The following LRRC18 variants were observed in gnomAD, a reference collection of about 807,000 sequenced individuals.
The protein encoded by LRRC18 is leucine rich repeat containing 18.
In LRRC18, 12 loss-of-function variants were observed where a neutral mutation model predicts 11.2. That is an observed-to-expected ratio of 1.07 (90% confidence interval 0.69 to 1.74). The LOEUF (loss-of-function observed/expected upper bound fraction) is 1.74, where lower values mean the gene tolerates loss of function less well. Among genes scored for constraint, LRRC18 ranks in the 40% most tolerant of loss-of-function variants. LRRC18 has a pLI of 0.00. For missense variants in LRRC18, 374 were observed against 330.5 expected (o/e 1.13, Z -1.02); for synonymous variants, 155 against 130.6 (o/e 1.19, Z -1.27).
upstream of LRRC18, among the ~76,000 whole-genome samples, chr10:48,918,771 T>G (rs904305728): frequency 1.3e-5 from 2 of 152,180 alleles, no homozygotes; most frequent in African/African-American, 4.8e-5. Context: ...GTGACAGGGC[T>G]TGGGGGAAGA....
chr10:48,917,301 G>T (rs1211595825), upstream of LRRC18, among the ~76,000 whole-genome samples: 2 of 152,176 alleles, frequency 1.3e-5, no homozygotes, highest in African/African-American at 4.8e-5. Context: ...ATCTCAGAAA[G>T]TGTGGAAAAA....
chr10:48,909,495 A>G (rs61848083), exon 2 of LRRC18: 20,096 of 152,144 alleles, frequency 0.13, 1,480 homozygotes, highest in Middle Eastern at 0.22. Flanking sequence ...TATAAAGAAA[A>G]GAAGTTTATT....
At chr10:48,928,648 G>T in the LRRC18 span, among the ~76,000 whole-genome samples, 1 of 152,178 alleles carries the variant, frequency 6.6e-6, no homozygotes, top group Non-Finnish European at 1.5e-5. Flanking sequence ...CTCCTCACAT[G>T]GAATTCTTTC....
upstream of LRRC18, among the ~76,000 whole-genome samples, chr10:48,916,927 T>C (rs1444952465): frequency 6.6e-6 from 1 of 151,878 alleles, no homozygotes; most frequent in Non-Finnish European, 1.5e-5. Context: ...ATGTGCTGCA[T>C]AATGATGTTT....
chr10:48,919,881 A>G, the LRRC18 span, among the ~76,000 whole-genome samples: 1 of 152,176 alleles, frequency 6.6e-6, no homozygotes, highest in East Asian at 1.9e-4. Context: ...AAAAAATAGA[A>G]TAGAGAGTGA....
chr10:48,921,688 T>C, the LRRC18 span, among the ~76,000 whole-genome samples: 1 of 152,146 alleles, frequency 6.6e-6, no homozygotes, highest in South Asian at 2.1e-4. Flanking sequence ...AGATATCTGG[T>C]ATCCAAAATC....
At chr10:48,913,826 G>A in exon 1 of LRRC18, 1 of 1,614,126 alleles carries the variant, frequency 6.2e-7, no homozygotes, top group Non-Finnish European at 8.5e-7. Flanking sequence ...GCAGCCCGTT[G>A]CTGGTCAGCC....
the LRRC18 span, among the ~76,000 whole-genome samples, chr10:48,934,388 G>A: frequency 1.3e-5 from 2 of 152,276 alleles, no homozygotes; most frequent in Admixed American, 6.5e-5. Flanking sequence ...CTGACATGTC[G>A]ATTTTCATCT....
the LRRC18 span, among the ~76,000 whole-genome samples, chr10:48,928,551 C>T: frequency 6.6e-6 from 1 of 152,292 alleles, no homozygotes; most frequent in African/African-American, 2.4e-5. Context: ...TCCCTGAGTG[C>T]AGGCTTTCAG....
At chr10:48,912,797 C>G (rs1338122321) in intron 1 of LRRC18, among the ~76,000 whole-genome samples, 1 of 152,214 alleles carries the variant, frequency 6.6e-6, no homozygotes, top group African/African-American at 2.4e-5. Context: ...GCTCATAGAG[C>G]AAGTTATGCA....
chr10:48,914,275 G>T, upstream of LRRC18: 1 of 1,063,376 alleles, frequency 9.4e-7, no homozygotes. Flanking sequence ...GATGCCAGAG[G>T]GCACTGGGCT....
At chr10:48,920,489 A>G in the LRRC18 span, among the ~76,000 whole-genome samples, 1 of 152,218 alleles carries the variant, frequency 6.6e-6, no homozygotes. Flanking sequence ...CACGTTGTGC[A>G]CATATACCCT....
chr10:48,935,114 C>T, the LRRC18 span: 3 of 152,258 alleles, frequency 2.0e-5, no homozygotes, highest in Non-Finnish European at 4.4e-5. Context: ...GAGATCCAAG[C>T]AGTTGTTTGG....
At chr10:48,914,118 ATCT>A (rs780876038) in exon 1 of LRRC18, 6 of 1,614,008 alleles carry the variant, frequency 3.7e-6, no homozygotes, top group Non-Finnish European at 5.1e-6. Context: ...CTTGAGGGTG[ATCT>A]TCTTGCCCTT....
intron 1 of LRRC18, among the ~76,000 whole-genome samples, chr10:48,911,627 CA>C (rs778348184): frequency 1.3e-4 from 20 of 152,066 alleles, no homozygotes; most frequent in East Asian, 9.6e-4. Context: ...GGTTTCAAAG[CA>C]GGACAGAAAT....
the LRRC18 span, among the ~76,000 whole-genome samples, chr10:48,929,796 C>T: frequency 1.3e-5 from 2 of 152,264 alleles, no homozygotes; most frequent in East Asian, 3.9e-4. Context: ...CCTCTTCCGG[C>T]TGGGCTGACA....
chr10:48,937,275 A>AT, the LRRC18 span, among the ~76,000 whole-genome samples: 61 of 152,214 alleles, frequency 4.0e-4, 1 homozygote, highest in East Asian at 0.01. Flanking sequence ...ACTAATGCTC[A>AT]TTTTTTACCA....
the LRRC18 span, among the ~76,000 whole-genome samples, chr10:48,924,078 C>T: frequency 1.3e-5 from 2 of 152,354 alleles, no homozygotes; most frequent in South Asian, 4.1e-4. Context: ...GGCTCCAAGC[C>T]TGCCCATTAA....
the LRRC18 span, among the ~76,000 whole-genome samples, chr10:48,934,403 C>T: frequency 0.36 from 55,153 of 151,686 alleles, 10,553 homozygotes; most frequent in African/African-American, 0.49. Context: ...TCATCTCCAC[C>T]GGGGGGATAC....
Sources: gnomAD v4.1 joint callset for allele counts (sites outside exome capture counted in the v4.1 genomes callset) on GRCh38, gnomAD v4.1.1 for gene constraint, MANE v1.5 for transcripts, NCBI Gene and HGNC (gene_info 2026-07-23, HGNC 2026-07-21) for gene names.